The following CNBD1 variants were observed in gnomAD, a reference collection of about 807,000 sequenced individuals.
The protein encoded by CNBD1 is cyclic nucleotide-binding domain-containing protein 1.
A neutral mutation model predicts 54.4 loss-of-function variants in CNBD1; 71 were observed. That is an observed-to-expected ratio of 1.30 (90% CI 1.08 to 1.59). The LOEUF (loss-of-function observed/expected upper bound fraction) is 1.59, where lower values mean the gene tolerates loss of function less well. CNBD1 is among the 40% of genes most tolerant of loss of function. The probability of loss-of-function intolerance (pLI) is 0.00; values close to 1 mark genes in which losing one functional copy is unlikely to be tolerated. For missense variants in CNBD1, 659 were observed against 518.0 expected, an observed-to-expected ratio of 1.27 and a Z score of -2.64; for synonymous variants, 182 against 170.7, an observed-to-expected ratio of 1.07 and a Z score of -0.51.
intron 4 of CNBD1, among the ~76,000 whole-genome samples, chr8:87,161,047 T>C (rs761982311): frequency 6.6e-6 from 1 of 152,122 alleles, no homozygotes; most frequent in Non-Finnish European, 1.5e-5. Context: ...AGATTTTATT[T>C]TTCTCTTGTG....
chr8:87,426,039 C>G (rs377597840), intron 2 of CNBD1, among the ~76,000 whole-genome samples: 2 of 152,192 alleles, frequency 1.3e-5, no homozygotes, highest in Admixed American at 6.5e-5. Flanking sequence ...TTTTTAAGCC[C>G]GTCGGAAAAT....
At chr8:86,960,123 C>T (rs963908321) in intron 4 of CNBD1, among the ~76,000 whole-genome samples, 2 of 152,140 alleles carry the variant, frequency 1.3e-5, no homozygotes. Flanking sequence ...CCAGGTTCAT[C>T]TCACTGGAGC....
intron 4 of CNBD1, among the ~76,000 whole-genome samples, chr8:87,057,280 GTTC>G (rs1563452381): frequency 2.0e-5 from 3 of 152,110 alleles, no homozygotes; most frequent in African/African-American, 2.4e-5. Flanking sequence ...AAGCAAACAC[GTTC>G]TTCTTCACAT....
rs140049830 is a variant in CNBD1 at position 87,376,057 on chromosome 8, A to G, written c.1304-6563A>G. The stretch of plus-strand genomic sequence containing the variant: ...GGATTATAACATCAAATAAAAGCAG[A>G]GATGAACTTTTTAGTTCAAAGATTC... On this transcript the variant is annotated intron_variant, in intron 10 of 10. Transcript: ENST00000518476. Among the ~76,000 whole-genome samples the G allele has an allele frequency of 3.9e-3, 592 of 152,108 alleles. 8 individuals are homozygous for G. Among genetic ancestry groups the G allele is most frequent in the African/African-American group, 0.013 (558 of 41,550 alleles).
intron 4 of CNBD1, among the ~76,000 whole-genome samples, chr8:87,173,584 C>T (rs575290496): frequency 5.9e-5 from 9 of 151,756 alleles, no homozygotes; most frequent in East Asian, 1.9e-4. Context: ...TTTTTTCCTT[C>T]GGCATTTTCA....
chr8:87,425,606 A>G lies in CNBD1; in HGVS notation c.214-2940A>G, dbSNP rs377368169. Among the ~76,000 whole-genome samples the G allele has an allele frequency of 4.5e-4, 68 of 151,902 alleles. No homozygotes were observed. In the East Asian group the frequency reaches 7.0e-3, roughly 16 times the overall value. On this transcript the variant is annotated intron_variant, in intron 2 of 7. Coordinates refer to the CNBD1 transcript ENST00000521593. ...TGAGGTGTCAGTGTGCCCCTGCTGGAGGGTGCCTCCCAGTTAGGCTGCTCG... is the reference window on the plus strand; with the variant it reads ...TGAGGTGTCAGTGTGCCCCTGCTGGGGGGTGCCTCCCAGTTAGGCTGCTCG...
chr8:87,005,159 G>A (rs946727063), intron 4 of CNBD1, among the ~76,000 whole-genome samples: 1 of 151,906 alleles, frequency 6.6e-6, no homozygotes, highest in Admixed American at 6.6e-5. Context: ...CGAGGCGGGT[G>A]GATCATGAGG....
At chr8:86,871,578 T>A (rs1808444240) in intron 1 of CNBD1, among the ~76,000 whole-genome samples, 1 of 152,246 alleles carries the variant, frequency 6.6e-6, no homozygotes, top group Non-Finnish European at 1.5e-5. Flanking sequence ...GTGTTCTAGA[T>A]CTCATTCTTC....
At chr8:86,931,165 C>A (rs1475025762) in intron 3 of CNBD1, among the ~76,000 whole-genome samples, 1 of 152,218 alleles carries the variant, frequency 6.6e-6, no homozygotes, top group African/African-American at 2.4e-5. Flanking sequence ...TGGTTACAGG[C>A]TGTCCCGGGA....
At chr8:86,919,267 A>T (rs1035548622) in intron 3 of CNBD1, among the ~76,000 whole-genome samples, 23 of 152,280 alleles carry the variant, frequency 1.5e-4, no homozygotes, top group South Asian at 1.2e-3. Flanking sequence ...TTAAGAGGAA[A>T]CCTTTAGACA....
In CNBD1 at chr8:87,377,450, AT is replaced by A. The variant is rs1288755768; in HGVS notation, c.1304-5167del. 2.0e-5 allele frequency among the ~76,000 whole-genome samples: 3 copies of A among 151,658 alleles called. No homozygotes were observed. In the East Asian group the frequency reaches 5.8e-4, roughly 29 times the overall value. On this transcript the variant is annotated intron_variant, in intron 10 of 10. Coordinates refer to ENST00000518476, the MANE Select transcript of CNBD1 (RefSeq NM_173538.3). ...AGTTTATTGAGAATGATGATTTCCA[AT>A]TTCATCCATGTCCCTACAAAGGACA...
chr8:87,305,957 A>T (rs1047487469), intron 8 of CNBD1, among the ~76,000 whole-genome samples: 25 of 152,210 alleles, frequency 1.6e-4, no homozygotes, highest in African/African-American at 5.5e-4. Flanking sequence ...CAGTCAGCAG[A>T]GTAAACAGAC....
At chr8:87,273,098 T>G (rs1371509933) in intron 6 of CNBD1, among the ~76,000 whole-genome samples, 1 of 151,940 alleles carries the variant, frequency 6.6e-6, no homozygotes, top group Non-Finnish European at 1.5e-5. Flanking sequence ...ATAGGAAAAT[T>G]TTAAAATTTC....
intron 2 of CNBD1, among the ~76,000 whole-genome samples, chr8:87,394,894 C>A (rs1044083133): frequency 6.6e-6 from 1 of 151,628 alleles, no homozygotes; most frequent in Non-Finnish European, 1.5e-5. Flanking sequence ...CTGTTACTAC[C>A]AAAATAAAGC....
chr8:87,035,993 A>G (rs533398649), intron 4 of CNBD1, among the ~76,000 whole-genome samples: 1 of 152,316 alleles, frequency 6.6e-6, no homozygotes, highest in African/African-American at 2.4e-5. Context: ...ACAGGCCAGA[A>G]CTCAGTCATG....
At chr8:87,079,567 C>G (rs1406761874) in intron 4 of CNBD1, among the ~76,000 whole-genome samples, 1 of 152,004 alleles carries the variant, frequency 6.6e-6, no homozygotes, top group Non-Finnish European at 1.5e-5. Context: ...CTCTCATAAT[C>G]CTTGATATTG....
At chr8:87,412,812 G>A (rs536324076) in intron 2 of CNBD1, among the ~76,000 whole-genome samples, 2 of 152,162 alleles carry the variant, frequency 1.3e-5, no homozygotes, top group African/African-American at 4.8e-5. Context: ...AAAAGAGGGA[G>A]GTAGGTTAGG....
intron 2 of CNBD1, among the ~76,000 whole-genome samples, chr8:87,396,586 G>T (rs1426016718): frequency 1.3e-5 from 2 of 151,448 alleles, no homozygotes; most frequent in Non-Finnish European, 3.0e-5. Flanking sequence ...ATTTTCTTAT[G>T]ACTGTTGAAT....
chr8:87,268,672 C>T (rs1252590397), intron 6 of CNBD1, among the ~76,000 whole-genome samples: 2 of 152,012 alleles, frequency 1.3e-5, no homozygotes, highest in Non-Finnish European at 2.9e-5. Context: ...ATTTGCATTT[C>T]TCTAATAATT....
Sources: gnomAD v4.1 joint callset for allele counts (sites outside exome capture counted in the v4.1 genomes callset) on GRCh38, gnomAD v4.1.1 for gene constraint, MANE v1.5 for transcripts, NCBI Gene and HGNC (gene_info 2026-07-23, HGNC 2026-07-21) for gene names.